Variants in MBOAT2 observed in about 807,000 individuals in gnomAD.
MBOAT2 encodes membrane-bound glycerophospholipid O-acyltransferase 2.
Under a neutral mutation model 63.4 loss-of-function variants are expected in MBOAT2, and 28 were observed. The observed-to-expected ratio is 0.44, with a 90% CI of 0.33 to 0.61. The LOEUF is 0.61. Among genes scored for constraint, MBOAT2 ranks in the 20% least tolerant of loss-of-function variants. The pLI is 0.03. For synonymous variants in MBOAT2, 211 were observed against 215.6 expected (o/e 0.98, Z 0.19); for missense variants, 470 against 605.8 (o/e 0.78, Z 2.35).
intron 8 of MBOAT2, among the ~76,000 whole-genome samples, chr2:8,870,474 G>C (rs1662228650): frequency 6.6e-6 from 1 of 152,132 alleles, no homozygotes; most frequent in African/African-American, 2.4e-5. Flanking sequence ...CAAAGTTAAA[G>C]AATTTTGGAA....
chr2:8,959,468 T>C (rs949227958), intron 1 of MBOAT2, among the ~76,000 whole-genome samples: 1 of 151,500 alleles, frequency 6.6e-6, no homozygotes, highest in African/African-American at 2.4e-5. Flanking sequence ...TTTTTTCTTT[T>C]TTTTTTTTTT....
At chr2:8,935,967 G>A (rs1558633084) in intron 3 of MBOAT2, among the ~76,000 whole-genome samples, 1 of 152,190 alleles carries the variant, frequency 6.6e-6, no homozygotes, top group Non-Finnish European at 1.5e-5. Context: ...ATAAGTATAT[G>A]TTGGCATCAT....
At chr2:8,914,861 G>A (rs557128304) in intron 3 of MBOAT2, among the ~76,000 whole-genome samples, 1 of 147,536 alleles carries the variant, frequency 6.8e-6, no homozygotes, top group East Asian at 2.1e-4. Flanking sequence ...TGGGTAAAAT[G>A]AAATGTTATT....
At chr2:8,972,962 G>A (rs558557417) in intron 1 of MBOAT2, among the ~76,000 whole-genome samples, 78 of 152,290 alleles carry the variant, frequency 5.1e-4, no homozygotes, top group African/African-American at 1.2e-3. Flanking sequence ...ACAATGTGAC[G>A]ATTCCTCAAG....
At chr2:8,981,610 G>A (rs1244518528) in intron 1 of MBOAT2, among the ~76,000 whole-genome samples, 2 of 152,038 alleles carry the variant, frequency 1.3e-5, no homozygotes, top group Admixed American at 1.3e-4. Context: ...TCTGTGACAG[G>A]AGTGAATGGG....
chr2:8,908,232 C>T (rs747027043), intron 4 of MBOAT2: 55 of 155,926 alleles, frequency 3.5e-4, no homozygotes, highest in Non-Finnish European at 6.9e-4. Context: ...AAATACATCC[C>T]CTTTGAAGGA....
chr2:8,989,945 T>G (rs915229313), intron 1 of MBOAT2, among the ~76,000 whole-genome samples: 1 of 152,242 alleles, frequency 6.6e-6, no homozygotes. Flanking sequence ...TACACTCTTG[T>G]GCACACAGAT....
At chr2:8,924,962 G>A (rs1299183335) in intron 3 of MBOAT2, among the ~76,000 whole-genome samples, 1 of 151,852 alleles carries the variant, frequency 6.6e-6, no homozygotes, top group Non-Finnish European at 1.5e-5. Context: ...AGCTCTCCTA[G>A]TATCTCAATA....
At chr2:8,973,358 G>A (rs1386370047) in intron 1 of MBOAT2, among the ~76,000 whole-genome samples, 22 of 135,232 alleles carry the variant, frequency 1.6e-4, no homozygotes, top group South Asian at 1.4e-3. Flanking sequence ...ATCACACACC[G>A]GGGCCTGTCG....
chr2:8,980,695 A>G (rs1405307139), intron 1 of MBOAT2, among the ~76,000 whole-genome samples: 1 of 152,172 alleles, frequency 6.6e-6, no homozygotes, highest in Admixed American at 6.6e-5. Context: ...CAAGATGCCT[A>G]CAATCAAAAA....
intron 1 of MBOAT2, among the ~76,000 whole-genome samples, chr2:9,002,569 A>G (rs1456157093): frequency 6.6e-6 from 1 of 152,148 alleles, no homozygotes; most frequent in Admixed American, 6.5e-5. Context: ...AAAGTTAACT[A>G]CCTTTAGCCT....
chr2:8,951,989 T>C (rs536598740), intron 2 of MBOAT2, among the ~76,000 whole-genome samples: 12 of 152,346 alleles, frequency 7.9e-5, no homozygotes, highest in Admixed American at 6.5e-4. Context: ...TTGTTCTCGT[T>C]TTTCTAGTTC....
chr2:8,863,227 T>C (rs1026150903), intron 10 of MBOAT2, among the ~76,000 whole-genome samples: 1 of 152,096 alleles, frequency 6.6e-6, no homozygotes, highest in African/African-American at 2.4e-5. Flanking sequence ...CACAACAGAT[T>C]AGCTCAGAGG....
rs148434314 is a variant in MBOAT2, at chr2:9,000,906, T to A, written c.75+2634A>T. On this transcript the variant is annotated intron_variant, in intron 1 of 12. Coordinates refer to ENST00000305997, the MANE Select transcript of MBOAT2 (RefSeq NM_138799.4). ...TTTATAATAACAGCGTAAAACATAC[T>A]GTACAGTTGTATAAAAATATTCTTC... is the stretch of plus-strand genomic sequence containing the variant. Among the ~76,000 whole-genome samples, 3 of 152,342 alleles carry A rather than the reference T, an allele frequency of 2.0e-5. No individual in the cohort carries two copies. The East Asian group carries it at 5.8e-4, about 29-fold the overall frequency.
chr2:8,929,361 CATTCATTT>C (rs1379013348), intron 3 of MBOAT2, among the ~76,000 whole-genome samples: 4 of 151,222 alleles, frequency 2.6e-5, no homozygotes, highest in Admixed American at 6.6e-5. Flanking sequence ...TTCATTCATT[CATTCATTT>C]GAGAAAGGGT....
intron 3 of MBOAT2, among the ~76,000 whole-genome samples, chr2:8,942,322 G>C (rs555981548): frequency 6.6e-6 from 1 of 152,318 alleles, no homozygotes; most frequent in South Asian, 2.1e-4. Context: ...TCAGAATTCA[G>C]AAATATGGTA....
intron 6 of MBOAT2, among the ~76,000 whole-genome samples, chr2:8,880,372 T>C (rs1663022438): frequency 6.6e-6 from 1 of 152,176 alleles, no homozygotes; most frequent in Non-Finnish European, 1.5e-5. Context: ...ATAATGGTAC[T>C]GCTATTAGCT....
At chr2:8,973,081 G>A (rs1670566050) in intron 1 of MBOAT2, among the ~76,000 whole-genome samples, 1 of 152,120 alleles carries the variant, frequency 6.6e-6, no homozygotes, top group Non-Finnish European at 1.5e-5. Flanking sequence ...TATTTTTACT[G>A]TGGCACTATT....
chr2:8,946,706 T>C (rs983072674), intron 2 of MBOAT2, among the ~76,000 whole-genome samples: 3 of 152,354 alleles, frequency 2.0e-5, no homozygotes, highest in South Asian at 4.1e-4. Context: ...ATCTTTGATA[T>C]TACTACTGTA....
Sources: allele counts gnomAD v4.1 joint callset (sites outside exome capture counted in the v4.1 genomes callset), GRCh38; gene constraint gnomAD v4.1.1; transcripts MANE v1.5; gene names NCBI Gene and HGNC (gene_info 2026-07-23, HGNC 2026-07-21).